The following ABHD6 variants were observed in gnomAD, a reference collection of about 807,000 sequenced individuals.
The protein encoded by ABHD6 is abhydrolase domain containing 6, acylglycerol lipase.
ABHD6 carries 33 observed loss-of-function variants against 38.8 expected under a neutral mutation model. The observed-to-expected ratio is 0.85, with a 90% CI of 0.64 to 1.14. ABHD6 has a LOEUF of 1.14. ABHD6 is among the 50% of genes most tolerant of loss of function. ABHD6 has a pLI of 0.00. For missense variants in ABHD6, 380 were observed against 422.6 expected, an observed-to-expected ratio of 0.90 and a Z score of 0.88; for synonymous variants, 147 against 161.6, an observed-to-expected ratio of 0.91 and a Z score of 0.69.
At position 58,267,221 on chromosome 3, in the gene ABHD6, G is replaced by T. The variant is rs150907072; in HGVS notation, c.152G>T (p.Arg51Leu). 2.7e-5 allele frequency: 43 copies of T among 1,614,028 alleles called. No individual in the cohort carries two copies. Among genetic ancestry groups the T allele is most frequent in the Non-Finnish European group, 3.4e-5 (40 of 1,180,016 alleles). ...CGGAGGACATTGGGCATGCAAGTCCGCTATGTTCACCATGAAGACTATCAG... is the reference window on the plus strand; with the variant it reads ...CGGAGGACATTGGGCATGCAAGTCCTCTATGTTCACCATGAAGACTATCAG... ...YWRRTLGMQV[R>L]YVHHEDYQFC... The change falls in exon 4 of 10, where the codon CGC (arginine) becomes CTC (leucine). Residue 51 changes from arginine (R) to leucine (L), a missense_variant. Transcript: ENST00000478253. This position sits in a 1 kb window ranked among gnomAD's most constrained non-coding sequence, Gnocchi z 4.3.
Position 58,273,473 on chromosome 3 carries a change from C to A in ABHD6, c.524-1185C>A, listed in dbSNP as rs1324701730. On this transcript the variant is annotated intron_variant, in intron 6 of 9. Coordinates refer to ENST00000478253, the MANE Select transcript of ABHD6 (RefSeq NM_001320126.2). The surrounding 1 kb of genome is among the most constrained non-coding windows in gnomAD (Gnocchi z 4.8). Reference sequence around the variant, plus strand: ...TACGATAGCAAAGACTTGGAACTAACCCAAATGCCCACCAATGATAAACTG... The same window carrying A: ...TACGATAGCAAAGACTTGGAACTAAACCAAATGCCCACCAATGATAAACTG... 6.6e-6 allele frequency among the ~76,000 whole-genome samples: 1 copy of A among 152,124 alleles called. No homozygotes were observed.
Position 58,269,095 on chromosome 3 carries a change from C to T in ABHD6, c.277-226C>T, listed in dbSNP as rs1014106009. Among the ~76,000 whole-genome samples the T allele has an allele frequency of 2.0e-5, 3 of 152,220 alleles. No homozygotes were observed. The highest frequency in any genetic ancestry group is 4.8e-5 in the African/African-American group (2 of 41,454). ...GACTTTGTCCCCTTTTTACAGGCAT[C>T]TCCTGAGCCTGCTTCCATCTATGTA... On this transcript the variant is annotated intron_variant, in intron 4 of 9. Coordinates refer to ENST00000478253, the MANE Select transcript of ABHD6 (RefSeq NM_001320126.2). The surrounding 1 kb of genome is among the most constrained non-coding windows in gnomAD (Gnocchi z 4.4).
At chr3:58,271,686 T>A (rs140274617) in intron 6 of ABHD6, among the ~76,000 whole-genome samples, 135 of 151,804 alleles carry the variant, frequency 8.9e-4, no homozygotes, top group African/African-American at 3.2e-3. Flanking sequence ...GTTTTTCTTC[T>A]ATAAGTCTTT....
chr3:58,248,142 G>C (rs2097427662), intron 1 of ABHD6, among the ~76,000 whole-genome samples: 1 of 151,876 alleles, frequency 6.6e-6, no homozygotes. Context: ...GCTTTTTTGA[G>C]TTAATGTACC....
chr3:58,259,761 G>A lies in ABHD6; in HGVS notation c.119+3056G>A, dbSNP rs1441835029. The stretch of plus-strand genomic sequence containing the variant: ...TCAGTGGTTTTAATATATTCAGAGT[G>A]TTGTACAACCATTACCACTATCTAA... On this transcript the variant is annotated intron_variant, in intron 3 of 9. Transcript: ENST00000478253. The surrounding 1 kb of genome is among the most constrained non-coding windows in gnomAD (Gnocchi z 4.7). 6.6e-6 allele frequency among the ~76,000 whole-genome samples: 1 copy of A among 152,154 alleles called. No homozygotes were observed. Among genetic ancestry groups the A allele is most frequent in the African/African-American group, 2.4e-5 (1 of 41,436 alleles).
chr3:58,273,224 A>G lies in ABHD6; in HGVS notation c.524-1434A>G, dbSNP rs1004437767. The stretch of plus-strand genomic sequence containing the variant: ...AAGCGTGGGTTTCTGCATCACGACC[A>G]ATATTATTGATGCTACTGCCTTTCA... On this transcript the variant is annotated intron_variant, in intron 6 of 9. Transcript: ENST00000478253. This position sits in a 1 kb window ranked among gnomAD's most constrained non-coding sequence, Gnocchi z 4.8. Among the ~76,000 whole-genome samples, 2 of 152,110 alleles carry G rather than the reference A, an allele frequency of 1.3e-5. No homozygotes were observed. The highest frequency in any genetic ancestry group is 2.9e-5 in the Non-Finnish European group (2 of 68,026).
At chr3:58,254,851 TACACACACACACAC>T (rs58771259) in intron 2 of ABHD6, among the ~76,000 whole-genome samples, 124 of 146,932 alleles carry the variant, frequency 8.4e-4, no homozygotes, top group South Asian at 1.7e-3. Flanking sequence ...TATATGTGTA[TACACACACACACAC>T]ACACACACAC....
At chr3:58,283,182 G>T (rs146133675) in intron 7 of ABHD6, among the ~76,000 whole-genome samples, 89 of 152,282 alleles carry the variant, frequency 5.8e-4, no homozygotes, top group East Asian at 1.4e-3. Context: ...TGATGCTGTG[G>T]CATGTTCCAC....
At chr3:58,281,664 C>T (rs9829294) in intron 7 of ABHD6, among the ~76,000 whole-genome samples, 4,916 of 152,310 alleles carry the variant, frequency 0.032, 268 homozygotes, top group African/African-American at 0.11. Flanking sequence ...AGAAATCACC[C>T]GCCTTCTGCG....
intron 1 of ABHD6, among the ~76,000 whole-genome samples, chr3:58,246,249 A>G (rs1449124085): frequency 6.6e-6 from 1 of 152,194 alleles, no homozygotes; most frequent in Admixed American, 6.5e-5. Flanking sequence ...TGTTTTAAAC[A>G]TGATTTCAAG....
chr3:58,276,344 A>G (rs1334045098), intron 7 of ABHD6, among the ~76,000 whole-genome samples: 1 of 152,064 alleles, frequency 6.6e-6, no homozygotes, highest in Non-Finnish European at 1.5e-5. Flanking sequence ...TGTGGTTTTG[A>G]TTTGCATTTC....
rs979598269 is a variant in ABHD6, at chr3:58,269,830, T to C, written c.390+396T>C. Reference sequence around the variant, plus strand: ...TCACATTATAACGTACTTTAGCATCTATTGCTAGCACCTATTTTAGAATCT... The same window carrying C: ...TCACATTATAACGTACTTTAGCATCCATTGCTAGCACCTATTTTAGAATCT... On this transcript the variant is annotated intron_variant, in intron 5 of 9. Transcript: ENST00000478253. The surrounding 1 kb of genome is among the most constrained non-coding windows in gnomAD (Gnocchi z 4.4). Among the ~76,000 whole-genome samples, 2 of 152,188 alleles carry C rather than the reference T, an allele frequency of 1.3e-5. No individual in the cohort carries two copies. The highest frequency in any genetic ancestry group is 6.5e-5 in the Admixed American group (1 of 15,280).
intron 5 of ABHD6, among the ~76,000 whole-genome samples, 178 bp from the exon 6 acceptor site, chr3:58,270,754 G>T (rs1211182803): frequency 6.6e-6 from 1 of 152,218 alleles, no homozygotes; most frequent in Admixed American, 6.5e-5. Flanking sequence ...GTGCCAGACA[G>T]AGAAGTCCAT....
At position 58,287,979 on chromosome 3, in the gene ABHD6, C is replaced by G. The variant is rs958786317; in HGVS notation, c.837+2526C>G. 2.6e-5 allele frequency among the ~76,000 whole-genome samples: 4 copies of G among 152,216 alleles called. No individual in the cohort carries two copies. Among genetic ancestry groups the G allele is most frequent in the Non-Finnish European group, 5.9e-5 (4 of 68,042 alleles). ...GGTATTAGATTAGACTGCTCATGTC[C>G]TTTGCCTCTGTTGGTGGCTTCAATG... On this transcript the variant is annotated intron_variant, in intron 9 of 9. Transcript: ENST00000478253. This position sits in a 1 kb window ranked among gnomAD's most constrained non-coding sequence, Gnocchi z 4.7.
At position 58,242,123 on chromosome 3, in the gene ABHD6, G is replaced by C. The variant is rs139525166; in HGVS notation, c.-91+4207G>C. On this transcript the variant is annotated intron_variant, in intron 1 of 9. Transcript: ENST00000478253. ...AGGCGTGCCGGGGAGAGAGGAGCAG[G>C]TGTGTCAAAGTCCCGGAGGTGTGGG... Among the ~76,000 whole-genome samples, 1,032 of 152,268 alleles carry C rather than the reference G, an allele frequency of 6.8e-3. 10 individuals are homozygous for C. Among genetic ancestry groups the C allele is most frequent in the African/African-American group, 0.023 (976 of 41,546 alleles).
At position 58,251,221 on chromosome 3, in the gene ABHD6, A is replaced by G. The variant is rs2097429691; in HGVS notation, c.-26+1279A>G. On this transcript the variant is annotated intron_variant, in intron 2 of 9. Transcript: ENST00000478253. The surrounding 1 kb of genome is among the most constrained non-coding windows in gnomAD (Gnocchi z 5.4). ...AATCCCAGCTACTCAGGAGGCTGAG[A>G]CAGGAGAAGCACTTGAACCCAGGAG... Among the ~76,000 whole-genome samples the G allele has an allele frequency of 6.6e-6, 1 of 151,900 alleles. No homozygotes were observed. The highest frequency in any genetic ancestry group is 2.1e-4 in the South Asian group (1 of 4,812).
chr3:58,243,798 C>T (rs1034472488), intron 1 of ABHD6, among the ~76,000 whole-genome samples: 8 of 151,798 alleles, frequency 5.3e-5, no homozygotes, highest in African/African-American at 1.9e-4. Flanking sequence ...GTAGCTGGGA[C>T]GACAGGTGTG....
intron 7 of ABHD6, among the ~76,000 whole-genome samples, chr3:58,277,821 G>C (rs1167714481): frequency 1.3e-5 from 2 of 152,146 alleles, no homozygotes; most frequent in Non-Finnish European, 2.9e-5. Context: ...TAGCATGAAG[G>C]GGTGTTGAAT....
rs146202614 is a variant in ABHD6 at position 58,256,675 on chromosome 3, G to C, written c.89G>C (p.Trp30Ser). 1 of 1,613,102 alleles carries C rather than the reference G, an allele frequency of 6.2e-7. No homozygotes were observed. Among genetic ancestry groups the C allele is most frequent in the African/African-American group, 1.3e-5 (1 of 74,846 alleles). Residue 30 changes from tryptophan (W) to serine (S), a missense_variant, in exon 3 of 10, where the codon TGG becomes TCG. By Grantham distance (177) the Trp-to-Ser change is radical. Transcript: ENST00000478253. This position sits in a 1 kb window ranked among gnomAD's most constrained non-coding sequence, Gnocchi z 4.3. Reference protein sequence around the residue: ...ILAFVASFLLWPSALIRIYYW... With the variant: ...ILAFVASFLLSPSALIRIYYW... Reference sequence around the variant, plus strand: ...GCATTTGTGGCTTCATTTCTTCTGTGGCCTTCAGCACTGATAAGAATCTAT... The same window carrying C: ...GCATTTGTGGCTTCATTTCTTCTGTCGCCTTCAGCACTGATAAGAATCTAT...
Sources: allele counts gnomAD v4.1 joint callset (sites outside exome capture counted in the v4.1 genomes callset), GRCh38; gene constraint gnomAD v4.1.1; non-coding constraint Gnocchi (gnomAD v3.1); transcripts MANE v1.5; gene names NCBI Gene and HGNC (gene_info 2026-07-23, HGNC 2026-07-21).